Variants in SPTAN1 observed in about 807,000 individuals in gnomAD.
SPTAN1 encodes the protein spectrin alpha chain, non-erythrocytic 1.
A neutral mutation model predicts 331.3 loss-of-function variants in SPTAN1; 61 were observed. The observed-to-expected ratio is 0.18, with a 90% CI of 0.15 to 0.23. SPTAN1 has a LOEUF of 0.23. Ranked by LOEUF, SPTAN1 falls within the 10% of genes least tolerant of loss-of-function variation. The probability of loss-of-function intolerance (pLI) is 1.00; values close to 1 mark genes in which losing one functional copy is unlikely to be tolerated. For synonymous variants in SPTAN1, 1,153 were observed against 1,173.9 expected, an observed-to-expected ratio of 0.98 and a Z score of 0.36; for missense variants, 2,043 against 3,147.9, an observed-to-expected ratio of 0.65 and a Z score of 8.40.
chr9:128,633,121 C>G (rs565176130), intron 56 of SPTAN1, 88 bp from the exon 57 acceptor site: 2 of 1,604,556 alleles, frequency 1.2e-6, no homozygotes, highest in African/African-American at 1.3e-5. Flanking sequence ...GAAGCAGCTC[C>G]GAGCCCCCAG....
At position 128,584,803 on chromosome 9, in the gene SPTAN1, C is replaced by A; in HGVS notation, c.2520C>A (p.Ile840=). 6.2e-7 allele frequency: 1 copy of A among 1,614,160 alleles called. No individual in the cohort carries two copies. The change falls in exon 18 of 57, where the codon ATC becomes ATA. Residue 840 remains isoleucine, a synonymous_variant. Coordinates refer to ENST00000372739, the MANE Select transcript of SPTAN1 (RefSeq NM_001130438.3). Reference sequence around the variant, plus strand: ...AAATTGCTGGACATGAACCACGCATCAAAGCAGTTACACAGAAGGGGAATG... The same window carrying A: ...AAATTGCTGGACATGAACCACGCATAAAAGCAGTTACACAGAAGGGGAATG... ...QAEIAGHEPR[I]KAVTQKGNAM...
chr9:128,569,852 G>T (rs762341171), intron 3 of SPTAN1, among the ~76,000 whole-genome samples: 2 of 152,012 alleles, frequency 1.3e-5, no homozygotes, highest in African/African-American at 2.4e-5. Flanking sequence ...GTTGTCTCAC[G>T]TTTGCTTGGC....
chr9:128,592,603 C>T (rs191432357), intron 22 of SPTAN1, among the ~76,000 whole-genome samples: 108 of 152,246 alleles, frequency 7.1e-4, no homozygotes, highest in African/African-American at 2.2e-3. Context: ...TAGTCTGGGT[C>T]ATAAATATAA....
intron 52 of SPTAN1, chr9:128,631,831 A>C: frequency 2.5e-6 from 1 of 407,606 alleles, no homozygotes. Flanking sequence ...AAAATTTATA[A>C]AAATCTTTGG....
chr9:128,627,268 C>G lies in SPTAN1; in HGVS notation c.6577-118C>G. ...GCCTCATGTCTCCCAGCCTCCTCCTCTCATCTTTGGGGAGGTTCCTTGTGG... is the reference window on the plus strand; with the variant it reads ...GCCTCATGTCTCCCAGCCTCCTCCTGTCATCTTTGGGGAGGTTCCTTGTGG... On this transcript the variant is annotated intron_variant, in intron 49 of 56. Coordinates refer to ENST00000372739, the MANE Select transcript of SPTAN1 (RefSeq NM_001130438.3). This position sits in a 1 kb window ranked among gnomAD's most constrained non-coding sequence, Gnocchi z 4.9. 1.2e-6 allele frequency: 1 copy of G among 866,068 alleles called. No homozygotes were observed. The highest frequency in any genetic ancestry group is 1.9e-6 in the Non-Finnish European group (1 of 540,050). The allele number at this position is 866,068 out of a possible 1,614,324, so 53.6% of individuals were successfully genotyped here.
At position 128,628,563 on chromosome 9, in the gene SPTAN1, C is replaced by G. The variant is rs142093503; in HGVS notation, c.6707+621C>G. 1.3e-4 allele frequency: 28 copies of G among 213,894 alleles called. 1 individual carries two copies. The East Asian group carries it at 3.2e-3, about 25-fold the overall frequency. The allele number at this position is 213,894 out of a possible 1,614,324, so 13.2% of individuals were successfully genotyped here. A position where few individuals can be genotyped will look rare whatever the true frequency, so the allele number is the denominator to read the frequency against. The stretch of plus-strand genomic sequence containing the variant: ...GAGGAGCAGGGCTGGGCTGTCCCGC[C>G]CAGTCCCGGCAGGGACTTCTCTGCT... On this transcript the variant is annotated intron_variant, in intron 51 of 56. Coordinates refer to ENST00000372739, the MANE Select transcript of SPTAN1 (RefSeq NM_001130438.3).
rs774998332 is a variant in SPTAN1, at chr9:128,627,895, C to T, written c.6690-30C>T. 6.2e-7 allele frequency: 1 copy of T among 1,614,072 alleles called. No homozygotes were observed. The highest frequency in any genetic ancestry group is 8.5e-7 in the Non-Finnish European group (1 of 1,179,920). ...TGCTGTTGTCCGGACACCACCTTGT[C>T]TCCCGGCTGCTTGGATCTGCTCTCC... On this transcript the variant is annotated intron_variant, in intron 50 of 56. Coordinates refer to ENST00000372739, the MANE Select transcript of SPTAN1 (RefSeq NM_001130438.3). The surrounding 1 kb of genome is among the most constrained non-coding windows in gnomAD (Gnocchi z 4.9).
chr9:128,593,075 T>C (rs1190778773), intron 23 of SPTAN1, 33 bp downstream of exon 23: 52 of 1,590,352 alleles, frequency 3.3e-5, no homozygotes, highest in Non-Finnish European at 4.3e-5. Context: ...AGAGCACCAA[T>C]GTCCACTGCT....
intron 34 of SPTAN1, among the ~76,000 whole-genome samples, chr9:128,608,600 T>C (rs903444676): frequency 6.6e-6 from 1 of 152,218 alleles, no homozygotes; most frequent in African/African-American, 2.4e-5. Context: ...ATTTTCCTAT[T>C]ATCAGGCTTA....
Position 128,627,864 on chromosome 9 carries a change from G to T in SPTAN1, c.6690-61G>T. ...TCTTGTGTCTTCTCTCTGTCCCCCC[G>T]ATTGCTGCTGTTGTCCGGACACCAC... On this transcript the variant is annotated intron_variant, in intron 50 of 56. Coordinates refer to ENST00000372739, the MANE Select transcript of SPTAN1 (RefSeq NM_001130438.3). This position sits in a 1 kb window ranked among gnomAD's most constrained non-coding sequence, Gnocchi z 4.9. 2 of 1,596,520 alleles carry T rather than the reference G, an allele frequency of 1.3e-6. No homozygotes were observed. The highest frequency in any genetic ancestry group is 1.7e-6 in the Non-Finnish European group (2 of 1,163,934).
chr9:128,633,635 A>AGAC lies in SPTAN1; in HGVS notation c.*302_*304dup, dbSNP rs1037017205. The AGAC allele has an allele frequency of 8.9e-6, 12 of 1,348,598 alleles. No homozygotes were observed. The Admixed American group carries it at 1.4e-4, about 16-fold the overall frequency. 83.5% of individuals were successfully genotyped at this position (1,348,598 alleles called of 1,614,324 possible). On this transcript the variant is annotated 3_prime_UTR_variant, in exon 57 of 57. Transcript: ENST00000372739. ...TCCCCCAAATCTGTTTTCATGTAAA[A>AGAC]GACAAATAAATGATGACTTCCCCCA...
In SPTAN1 at chr9:128,568,830, T is replaced by C. The variant is rs1209480034; in HGVS notation, c.296T>C (p.Ile99Thr). The change falls in exon 3 of 57, where the codon ATT (isoleucine) becomes ACT (threonine). Residue 99 changes from isoleucine (I) to threonine (T), a missense_variant. Physicochemically the swap from Ile to Thr is moderately conservative, Grantham distance 89. Coordinates refer to ENST00000372739, the MANE Select transcript of SPTAN1 (RefSeq NM_001130438.3). ...GAAGTGCAGGCCAACTCAGGAGCCA[T>C]TGTTAAGCTGGATGAAACTGGAAAC... ...EAEVQANSGA[I>T]VKLDETGNLM... 3.1e-6 allele frequency: 5 copies of C among 1,613,966 alleles called. No homozygotes were observed. Among genetic ancestry groups the C allele is most frequent in the Admixed American group, 3.3e-5 (2 of 59,992 alleles).
chr9:128,616,478 C>T (rs935954960), intron 41 of SPTAN1, among the ~76,000 whole-genome samples: 1 of 149,778 alleles, frequency 6.7e-6, no homozygotes, highest in Non-Finnish European at 1.5e-5. Context: ...TCTTAAAAGA[C>T]GTTTGTGGCC....
chr9:128,559,238 T>C (rs1432983096), intron 1 of SPTAN1, among the ~76,000 whole-genome samples: 1 of 152,062 alleles, frequency 6.6e-6, no homozygotes, highest in Non-Finnish European at 1.5e-5. Flanking sequence ...TTCACTGGGG[T>C]GACAAAGAGG....
Position 128,618,931 on chromosome 9 carries a change from A to G in SPTAN1, c.5661A>G (p.Glu1887=), listed in dbSNP as rs780159478. The G allele has an allele frequency of 1.2e-6, 2 of 1,614,158 alleles. No homozygotes were observed. Among genetic ancestry groups the G allele is most frequent in the South Asian group, 2.2e-5 (2 of 91,086 alleles). ...YQQFVANVEE[E]EAWINEKMTL... ...AGTTTGTAGCCAATGTGGAAGAGGA[A>G]GAAGCCTGGATCAATGAGAAAATGA... The change falls in exon 44 of 57, where the codon GAA becomes GAG. Residue 1887 remains glutamate (E), a synonymous_variant. Coordinates refer to ENST00000372739, the MANE Select transcript of SPTAN1 (RefSeq NM_001130438.3).
intron 1 of SPTAN1, among the ~76,000 whole-genome samples, chr9:128,563,575 T>G (rs946630767): frequency 2.0e-5 from 3 of 152,232 alleles, no homozygotes; most frequent in Non-Finnish European, 4.4e-5. Flanking sequence ...AGCACTTAAC[T>G]GGATAGAATT....
intron 19 of SPTAN1, 47 bp downstream of exon 19, chr9:128,586,012 G>A: frequency 6.4e-7 from 1 of 1,566,608 alleles, no homozygotes; most frequent in Non-Finnish European, 8.8e-7. Flanking sequence ...AGTGGAACAG[G>A]GCTTGTACTG....
At chr9:128,596,743 G>A (rs1174126940) in intron 24 of SPTAN1, 1 of 152,378 alleles carries the variant, frequency 6.6e-6, no homozygotes, top group African/African-American at 2.4e-5. Context: ...ACAGGGTAGA[G>A]GGCAGTGGAT....
At chr9:128,621,662 C>T (rs1857873468) in intron 45 of SPTAN1, 4 of 323,872 alleles carry the variant, frequency 1.2e-5, no homozygotes, top group South Asian at 8.4e-5. Context: ...CTTTTCTCTC[C>T]ACAGGTTTAG....
Sources: gnomAD v4.1 joint callset for allele counts (sites outside exome capture counted in the v4.1 genomes callset) on GRCh38, gnomAD v4.1.1 for gene constraint, Gnocchi (gnomAD v3.1) non-coding constraint, MANE v1.5 for transcripts, NCBI Gene and HGNC (gene_info 2026-07-23, HGNC 2026-07-21) for gene names.